The following LHFPL3 variants were observed in gnomAD, a reference collection of about 807,000 sequenced individuals.
LHFPL3 encodes the protein LHFPL tetraspan subfamily member 3 protein.
Under a neutral mutation model 19.3 loss-of-function variants are expected in LHFPL3, and 5 were observed. That is an observed-to-expected ratio of 0.26 (90% confidence interval 0.14 to 0.54). The LOEUF (loss-of-function observed/expected upper bound fraction) is 0.54, where lower values mean the gene tolerates loss of function less well. LHFPL3 is among the 20% of genes least tolerant of loss of function. The pLI, the probability that LHFPL3 is intolerant of heterozygous loss-of-function variation, is 0.94. For synonymous variants in LHFPL3, 133 were observed against 126.2 expected, an observed-to-expected ratio of 1.05 and a Z score of -0.36; for missense variants, 249 against 307.4, an observed-to-expected ratio of 0.81 and a Z score of 1.42.
chr7:104,785,041 G>A (rs1789886394), intron 2 of LHFPL3, among the ~76,000 whole-genome samples: 1 of 152,164 alleles, frequency 6.6e-6, no homozygotes, highest in South Asian at 2.1e-4. Flanking sequence ...ACTTAAAAAT[G>A]ATTAAGATGG....
chr7:104,589,847 G>T (rs770114293), intron 1 of LHFPL3, among the ~76,000 whole-genome samples: 90 of 152,274 alleles, frequency 5.9e-4, no homozygotes, highest in Admixed American at 1.4e-3. Context: ...TTGGGAGGGT[G>T]TATGTGCCGA....
At chr7:104,491,975 A>C (rs1039664619) in intron 1 of LHFPL3, among the ~76,000 whole-genome samples, 9 of 152,202 alleles carry the variant, frequency 5.9e-5, no homozygotes, top group Non-Finnish European at 8.8e-5. Flanking sequence ...TCAAAGTCAC[A>C]CAAAAACTAG....
chr7:104,561,707 G>C (rs1427728352), intron 1 of LHFPL3, among the ~76,000 whole-genome samples: 1 of 151,888 alleles, frequency 6.6e-6, no homozygotes, highest in African/African-American at 2.4e-5. Flanking sequence ...TGTTATGTGT[G>C]AATTTGATCC....
At chr7:104,496,342 G>A (rs976875062) in intron 1 of LHFPL3, among the ~76,000 whole-genome samples, 3 of 152,132 alleles carry the variant, frequency 2.0e-5, no homozygotes, top group African/African-American at 7.2e-5. Context: ...GTGTATATGT[G>A]CCACATTTTC....
intron 1 of LHFPL3, among the ~76,000 whole-genome samples, chr7:104,547,851 A>G (rs12216618): frequency 0.29 from 44,193 of 152,118 alleles, 7,969 homozygotes; most frequent in East Asian, 0.47. Flanking sequence ...GTTTACATCA[A>G]ATGTGTCTAG....
At chr7:104,430,432 A>ATG (rs1791965926) in intron 1 of LHFPL3, among the ~76,000 whole-genome samples, 4 of 11,984 alleles carry the variant, frequency 3.3e-4, no homozygotes, top group Non-Finnish European at 7.2e-4. Flanking sequence ...ATATATATAT[A>ATG]TATATATATA....
intron 2 of LHFPL3, among the ~76,000 whole-genome samples, chr7:104,755,331 CA>C (rs1794262116): frequency 1.3e-5 from 2 of 152,204 alleles, no homozygotes; most frequent in South Asian, 2.1e-4. Flanking sequence ...GGAAAAGCAC[CA>C]CAAAATGACA....
chr7:104,466,358 C>T (rs1015130760), intron 1 of LHFPL3, among the ~76,000 whole-genome samples: 1 of 152,178 alleles, frequency 6.6e-6, no homozygotes, highest in Non-Finnish European at 1.5e-5. Context: ...AGAAGCTCAT[C>T]ATGTATTTTT....
chr7:104,494,407 A>T (rs2115703918), intron 1 of LHFPL3, among the ~76,000 whole-genome samples: 1 of 152,240 alleles, frequency 6.6e-6, no homozygotes, highest in East Asian at 1.9e-4. Context: ...TGTCTGCCAC[A>T]TTCATTACCT....
chr7:104,570,684 C>T (rs1199367985), intron 1 of LHFPL3, among the ~76,000 whole-genome samples: 1 of 152,018 alleles, frequency 6.6e-6, no homozygotes, highest in Admixed American at 6.6e-5. Context: ...TGTTCTTTTT[C>T]TTTTTTAACT....
chr7:104,561,295 CATT>C (rs1294969508), intron 1 of LHFPL3, among the ~76,000 whole-genome samples: 1 of 149,136 alleles, frequency 6.7e-6, no homozygotes, highest in Non-Finnish European at 1.5e-5. Context: ...TAAAGTCTCT[CATT>C]ATTAATGTGT....
At chr7:104,337,642 A>T (rs181962559) in intron 1 of LHFPL3, among the ~76,000 whole-genome samples, 3 of 152,362 alleles carry the variant, frequency 2.0e-5, no homozygotes, top group Admixed American at 2.0e-4. Context: ...TTGAAAACCT[A>T]GTTATAAATT....
intron 2 of LHFPL3, among the ~76,000 whole-genome samples, chr7:104,873,157 C>G (rs1467837206): frequency 3.3e-5 from 5 of 152,208 alleles, no homozygotes; most frequent in African/African-American, 1.2e-4. Flanking sequence ...CTGTACTAGA[C>G]AAGAGTATTC....
intron 1 of LHFPL3, among the ~76,000 whole-genome samples, chr7:104,646,947 A>G (rs532622560): frequency 1.3e-5 from 2 of 152,334 alleles, no homozygotes; most frequent in East Asian, 3.9e-4. Context: ...GAGCATGAGT[A>G]TCTCACTTCA....
chr7:104,471,542 C>T (rs757709597), intron 1 of LHFPL3, among the ~76,000 whole-genome samples: 1 of 152,130 alleles, frequency 6.6e-6, no homozygotes, highest in Non-Finnish European at 1.5e-5. Flanking sequence ...ATGGCAAATA[C>T]CAGGATTCAA....
At chr7:104,643,603 T>C (rs1791876170) in intron 1 of LHFPL3, among the ~76,000 whole-genome samples, 1 of 152,108 alleles carries the variant, frequency 6.6e-6, no homozygotes, top group Admixed American at 6.5e-5. Flanking sequence ...TCAGTAGAGA[T>C]TAACCCTGGC....
intron 1 of LHFPL3, among the ~76,000 whole-genome samples, chr7:104,356,230 A>G (rs143676359): frequency 3.9e-5 from 6 of 152,338 alleles, no homozygotes; most frequent in African/African-American, 1.4e-4. Context: ...ACTCCAGGCA[A>G]GAAGGAGAGT....
intron 1 of LHFPL3, among the ~76,000 whole-genome samples, chr7:104,645,747 G>T (rs1048289460): frequency 7.8e-6 from 1 of 128,554 alleles, no homozygotes; most frequent in Non-Finnish European, 1.6e-5. Flanking sequence ...TGCAAGCTCC[G>T]CCTCCCGGGT....
At chr7:104,540,945 T>G (rs1794474307) in intron 1 of LHFPL3, among the ~76,000 whole-genome samples, 1 of 152,184 alleles carries the variant, frequency 6.6e-6, no homozygotes, top group Admixed American at 6.5e-5. Context: ...TCTGCCAGCA[T>G]TTTTTCTCAT....
Sources: allele counts gnomAD v4.1 joint callset (sites outside exome capture counted in the v4.1 genomes callset), GRCh38; gene constraint gnomAD v4.1.1; transcripts MANE v1.5; gene names NCBI Gene and HGNC (gene_info 2026-07-23, HGNC 2026-07-21).